The following TMEM63C variants were observed in gnomAD, a reference collection of about 807,000 sequenced individuals.
TMEM63C encodes transmembrane protein 63C.
TMEM63C carries 32 observed loss-of-function variants against 99.2 expected under a neutral mutation model. The observed-to-expected ratio is 0.32, with a 90% confidence interval of 0.24 to 0.43. The LOEUF is 0.43. Among genes scored for constraint, TMEM63C ranks in the 20% least tolerant of loss-of-function variants. The pLI is 1.00. For synonymous variants in TMEM63C, 376 were observed against 397.9 expected (o/e 0.94, Z 0.66); for missense variants, 826 against 1,053.0 (o/e 0.78, Z 2.98).
chr14:77,186,403 C>A (rs1022868717), intron 1 of TMEM63C, among the ~76,000 whole-genome samples: 3 of 152,150 alleles, frequency 2.0e-5, no homozygotes, highest in Non-Finnish European at 4.4e-5. Context: ...ACTGAACTGT[C>A]ACCTTCAAAA....
At chr14:77,229,443 A>G (rs997614104) in intron 6 of TMEM63C, among the ~76,000 whole-genome samples, 2 of 151,554 alleles carry the variant, frequency 1.3e-5, no homozygotes, top group African/African-American at 2.4e-5. Flanking sequence ...TATTATTATC[A>G]TTATTATTAT....
intron 20 of TMEM63C, 101 bp from the exon 21 acceptor site, chr14:77,249,190 G>A: frequency 7.8e-7 from 1 of 1,281,444 alleles, no homozygotes; most frequent in South Asian, 1.3e-5. Context: ...TTGTGACTCT[G>A]ACAGCCGTGG....
intron 1 of TMEM63C, among the ~76,000 whole-genome samples, chr14:77,186,749 G>C (rs1000075375): frequency 6.8e-6 from 1 of 146,830 alleles, no homozygotes; most frequent in African/African-American, 2.5e-5. Context: ...GGACCTGGCA[G>C]AGGGGGAATC....
Position 77,246,693 on chromosome 14 carries a change from C to G in TMEM63C, c.1601+19C>G, listed in dbSNP as rs2287383. 0.14 allele frequency: 217,337 copies of G among 1,600,520 alleles called. 16,276 individuals carry two copies. Among genetic ancestry groups the G allele is most frequent in the African/African-American group, 0.29 (21,437 of 74,684 alleles). ...GGTTCCAGTGAGTACTCCCATGTGTCCACCAGGGCTGCTGTGTGTGCACAC... is the reference window on the plus strand; with the variant it reads ...GGTTCCAGTGAGTACTCCCATGTGTGCACCAGGGCTGCTGTGTGTGCACAC... On this transcript the variant is annotated intron_variant, in intron 18 of 23. Coordinates refer to ENST00000298351, the MANE Select transcript of TMEM63C (RefSeq NM_020431.4).
intron 1 of TMEM63C, among the ~76,000 whole-genome samples, chr14:77,183,181 A>G (rs8021745): frequency 0.43 from 65,894 of 151,910 alleles, 14,777 homozygotes; most frequent in Admixed American, 0.5. Context: ...TGAGGCACAG[A>G]GGGTGGAGTG....
At chr14:77,232,674 T>C (rs382930) in intron 7 of TMEM63C, among the ~76,000 whole-genome samples, 359 of 152,352 alleles carry the variant, frequency 2.4e-3, no homozygotes, top group Non-Finnish European at 3.9e-3. Flanking sequence ...GGAGATCACA[T>C]GCCACATACC....
At chr14:77,225,390 G>C (rs772901978) in intron 5 of TMEM63C, 34 bp from the exon 6 acceptor site, 7 of 1,611,248 alleles carry the variant, frequency 4.3e-6, no homozygotes, top group Non-Finnish European at 5.9e-6. Context: ...GCCAGGACCT[G>C]GGTTTTCTCA....
At chr14:77,235,133 C>G (rs1388156485) in intron 8 of TMEM63C, among the ~76,000 whole-genome samples, 1 of 152,006 alleles carries the variant, frequency 6.6e-6, no homozygotes, top group Non-Finnish European at 1.5e-5. Flanking sequence ...GGATCTGGCT[C>G]AGAGTAAACA....
intron 5 of TMEM63C, among the ~76,000 whole-genome samples, chr14:77,223,355 GTCC>G (rs759761566): frequency 0.21 from 32,571 of 152,214 alleles, 3,706 homozygotes; most frequent in Non-Finnish European, 0.26. Flanking sequence ...CCCCCACAGT[GTCC>G]AGCCAGGATG....
rs377609059 is a variant in TMEM63C at position 77,249,403 on chromosome 14, C to T, written c.1983C>T (p.Ile661=). ...ACATGGCTGCCGTCTCCCAGGCCAT[C>T]TTTGCGCCACTCTTGGGTCTGTTCT... ...QIHMAAVSQA[I]FAPLLGLFWM... is the part of the protein sequence containing the mutation. The change falls in exon 21 of 24, where the codon ATC becomes ATT. Residue 661 remains isoleucine, a synonymous_variant. Transcript: ENST00000298351. 2.7e-4 allele frequency: 442 copies of T among 1,613,938 alleles called. No individual in the cohort carries two copies. The highest frequency in any genetic ancestry group is 3.5e-4 in the Non-Finnish European group (414 of 1,179,910).
chr14:77,244,326 C>G (rs764180383), intron 15 of TMEM63C, 23 bp from the exon 16 acceptor site: 4 of 1,559,634 alleles, frequency 2.6e-6, no homozygotes, highest in Non-Finnish European at 3.5e-6. Context: ...TCTCTCCTGC[C>G]GTCCTCCCCT....
At chr14:77,231,161 T>C (rs369447) in intron 6 of TMEM63C, among the ~76,000 whole-genome samples, 25,301 of 152,166 alleles carry the variant, frequency 0.17, 2,421 homozygotes, top group Non-Finnish European at 0.21. Flanking sequence ...CAGTGTGGAG[T>C]GATAGCTCAT....
Position 77,244,473 on chromosome 14 carries a change from T to C in TMEM63C, c.1448+18T>C, listed in dbSNP as rs755913110. 2 of 1,596,522 alleles carry C rather than the reference T, an allele frequency of 1.3e-6. No individual in the cohort carries two copies. The highest frequency in any genetic ancestry group is 1.7e-6 in the Non-Finnish European group (2 of 1,164,484). On this transcript the variant is annotated intron_variant, in intron 16 of 23. Coordinates refer to ENST00000298351, the MANE Select transcript of TMEM63C (RefSeq NM_020431.4). ...TGGACCAGGTGACCTGGGGGCCTCC[T>C]CTCGTAGCCCTGTGGTTTCTCCAGC...
chr14:77,240,857 G>A (rs1889157892), intron 13 of TMEM63C, among the ~76,000 whole-genome samples: 1 of 152,048 alleles, frequency 6.6e-6, no homozygotes, highest in African/African-American at 2.4e-5. Flanking sequence ...TTAGCACAGA[G>A]GTGGTCAGAG....
intron 1 of TMEM63C, among the ~76,000 whole-genome samples, chr14:77,209,445 G>A (rs1888458739): frequency 1.3e-5 from 2 of 152,302 alleles, no homozygotes; most frequent in East Asian, 1.9e-4. Flanking sequence ...AGGGCCTTCT[G>A]TCTCTCATTG....
intron 1 of TMEM63C, among the ~76,000 whole-genome samples, chr14:77,182,309 G>C (rs1414599604): frequency 6.6e-6 from 1 of 152,164 alleles, no homozygotes; most frequent in African/African-American, 2.4e-5. Context: ...GGCTGGGACG[G>C]GAGGGGGCAG....
intron 22 of TMEM63C, among the ~76,000 whole-genome samples, chr14:77,253,016 T>G (rs1228205701): frequency 6.6e-6 from 1 of 152,224 alleles, no homozygotes; most frequent in Non-Finnish European, 1.5e-5. Flanking sequence ...AGTCAAGGCT[T>G]CTCCTGGAGT....
chr14:77,256,711 G>C lies in TMEM63C; in HGVS notation c.2406G>C (p.Gln802His). Residue 802 changes from glutamine (Q) to histidine (H), a missense_variant, in exon 24 of 24, where the codon CAG (glutamine) becomes CAC (histidine). By Grantham distance (24) the Gln-to-His change is conservative (BLOSUM62 0). Transcript: ENST00000298351. The part of the protein sequence containing the change: ...QFQEGLELEG[Q>H]NQYH ...AGGAAGGGCTGGAACTGGAGGGCCA[G>C]AACCAGTACCACTGACCGGGACCTG... 6.2e-7 allele frequency: 1 copy of C among 1,613,898 alleles called. No homozygotes were observed. The highest frequency in any genetic ancestry group is 1.1e-5 in the South Asian group (1 of 91,072).
intron 21 of TMEM63C, among the ~76,000 whole-genome samples, chr14:77,250,345 CA>C (rs1889337385): frequency 2.0e-5 from 3 of 152,288 alleles, no homozygotes; most frequent in African/African-American, 7.2e-5. Context: ...TAACCCCCAG[CA>C]ACCCCCAACC....
Sources: allele counts gnomAD v4.1 joint callset (sites outside exome capture counted in the v4.1 genomes callset), GRCh38; gene constraint gnomAD v4.1.1; transcripts MANE v1.5; gene names NCBI Gene and HGNC (gene_info 2026-07-23, HGNC 2026-07-21).